Variants in STK10 observed in about 807,000 individuals in gnomAD.
The protein encoded by STK10 is serine/threonine-protein kinase 10.
STK10 carries 78 observed loss-of-function variants against 113.8 expected under a neutral mutation model. That is an observed-to-expected ratio of 0.69 (90% CI 0.57 to 0.83). STK10 has a LOEUF of 0.83. STK10 is among the 40% of genes least tolerant of loss of function. The pLI is 0.00. For synonymous variants in STK10, 465 were observed against 494.7 expected (o/e 0.94, Z 0.80); for missense variants, 1,109 against 1,280.1 (o/e 0.87, Z 2.04).
rs1769481882 is a variant in STK10 at position 172,120,226 on chromosome 5, A to G, written c.371-2596T>C. 6.6e-6 allele frequency among the ~76,000 whole-genome samples: 1 copy of G among 152,174 alleles called. No individual in the cohort carries two copies. Among genetic ancestry groups the G allele is most frequent in the African/African-American group, 2.4e-5 (1 of 41,438 alleles). ...CTTCTAAGCCTGGTCACCAAAGGGC[A>G]CTGCTCCGAGTCTTCCCTCTGCCTA... is the stretch of plus-strand genomic sequence containing the variant. On this transcript the variant is annotated intron_variant, in intron 3 of 18. Coordinates refer to ENST00000176763, the MANE Select transcript of STK10 (RefSeq NM_005990.4). The surrounding 1 kb of genome is among the most constrained non-coding windows in gnomAD (Gnocchi z 4.0).
intron 2 of STK10, among the ~76,000 whole-genome samples, chr5:172,155,422 C>T (rs1340654411): frequency 6.6e-6 from 1 of 150,884 alleles, no homozygotes; most frequent in African/African-American, 2.4e-5. Context: ...TGCTTGAACC[C>T]AGGAGGCGGA....
intron 1 of STK10, among the ~76,000 whole-genome samples, chr5:172,170,295 G>T (rs138462224): frequency 6.6e-6 from 1 of 152,150 alleles, no homozygotes; most frequent in Non-Finnish European, 1.5e-5. Flanking sequence ...CTGAATCTCT[G>T]GCTGTTCTCC....
intron 2 of STK10, among the ~76,000 whole-genome samples, chr5:172,129,428 T>C (rs1769700860): frequency 6.6e-6 from 1 of 152,176 alleles, no homozygotes; most frequent in Non-Finnish European, 1.5e-5. Flanking sequence ...GGGCCTGACC[T>C]CAGCTTCCCC....
At chr5:172,180,719 G>GA (rs1651259639) in intron 1 of STK10, among the ~76,000 whole-genome samples, 1 of 152,054 alleles carries the variant, frequency 6.6e-6, no homozygotes, top group South Asian at 2.1e-4. Flanking sequence ...TGAGGCAGGA[G>GA]AATCACTTGA....
At chr5:172,186,323 C>T (rs1018244999) in intron 1 of STK10, among the ~76,000 whole-genome samples, 1 of 150,956 alleles carries the variant, frequency 6.6e-6, no homozygotes, top group African/African-American at 2.4e-5. Flanking sequence ...TGGTTGGTCT[C>T]AAAATTGCCA....
In STK10 at chr5:172,187,341, C is replaced by T. The variant is rs1409201534; in HGVS notation, c.156+546G>A. Among the ~76,000 whole-genome samples the T allele has an allele frequency of 1.3e-5, 2 of 152,114 alleles. No individual in the cohort carries two copies. Among genetic ancestry groups the T allele is most frequent in the East Asian group, 1.9e-4 (1 of 5,176 alleles). On this transcript the variant is annotated intron_variant, in intron 1 of 18. Coordinates refer to ENST00000176763, the MANE Select transcript of STK10 (RefSeq NM_005990.4). The surrounding 1 kb of genome is among the most constrained non-coding windows in gnomAD (Gnocchi z 4.6). ...CCAGCCCCAACCCACCTTTCCAAGC[C>T]CCACCTCTCAGTCCATGGGCCACCC...
intron 1 of STK10, among the ~76,000 whole-genome samples, chr5:172,166,958 G>A (rs115617748): frequency 0.053 from 8,067 of 152,000 alleles, 711 homozygotes; most frequent in African/African-American, 0.18. Context: ...TCAGAAGTTC[G>A]AGGCCAGGCT....
At position 172,082,941 on chromosome 5, in the gene STK10, C is replaced by T; in HGVS notation, c.1809+20G>A. On this transcript the variant is annotated intron_variant, in intron 11 of 18. Transcript: ENST00000176763. The surrounding 1 kb of genome is among the most constrained non-coding windows in gnomAD (Gnocchi z 4.3). Reference sequence around the variant, plus strand: ...TGGAGGCAAGAAGCCCTGCAGGGTCCCATCTTTTCTCGCACTCACGTTGAT... The same window carrying T: ...TGGAGGCAAGAAGCCCTGCAGGGTCTCATCTTTTCTCGCACTCACGTTGAT... The T allele has an allele frequency of 6.2e-7, 1 of 1,611,146 alleles. No individual in the cohort carries two copies. Among genetic ancestry groups the T allele is most frequent in the Admixed American group, 1.7e-5 (1 of 59,744 alleles).
intron 10 of STK10, among the ~76,000 whole-genome samples, chr5:172,083,460 G>A (rs1325167701): frequency 6.6e-6 from 1 of 152,136 alleles, no homozygotes; most frequent in Non-Finnish European, 1.5e-5. Flanking sequence ...ATTTGATGTA[G>A]AAACTACATT....
chr5:172,065,344 C>T (rs1768046143), intron 12 of STK10, among the ~76,000 whole-genome samples: 1 of 145,138 alleles, frequency 6.9e-6, no homozygotes, highest in Non-Finnish European at 1.5e-5. Flanking sequence ...CCTGCCTAAG[C>T]CTTCCAAGTA....
chr5:172,112,532 T>C (rs1769261414), intron 4 of STK10, among the ~76,000 whole-genome samples: 1 of 149,158 alleles, frequency 6.7e-6, no homozygotes, highest in East Asian at 2.0e-4. Flanking sequence ...GCCATTCTCC[T>C]GCCTCAGCCT....
intron 1 of STK10, among the ~76,000 whole-genome samples, chr5:172,176,152 A>C (rs1770754486): frequency 6.6e-6 from 1 of 152,120 alleles, no homozygotes; most frequent in Admixed American, 6.5e-5. Flanking sequence ...CATTACCATC[A>C]CCATTTCACA....
Position 172,093,301 on chromosome 5 carries a change from G to T in STK10, c.1554+111C>A. ...TGAGTCAAACCCAAAACCCCCTAAT[G>T]AACCACTTAAAATGCAAGGAAGCCC... is the stretch of plus-strand genomic sequence containing the variant. On this transcript the variant is annotated intron_variant, in intron 9 of 18. Transcript: ENST00000176763. The surrounding 1 kb of genome is among the most constrained non-coding windows in gnomAD (Gnocchi z 4.1). 8.3e-7 allele frequency: 1 copy of T among 1,201,408 alleles called. No individual in the cohort carries two copies. The highest frequency in any genetic ancestry group is 1.2e-6 in the Non-Finnish European group (1 of 857,652). 74.4% of individuals were successfully genotyped at this position (1,201,408 alleles called of 1,614,324 possible).
chr5:172,176,766 G>A (rs28419545), intron 1 of STK10, among the ~76,000 whole-genome samples: 11,211 of 152,268 alleles, frequency 0.074, 1,339 homozygotes, highest in African/African-American at 0.25. Flanking sequence ...TGGTCCGAGT[G>A]TCTGTGTCCC....
chr5:172,106,912 G>T, intron 5 of STK10, 98 bp from the exon 6 acceptor site: 1 of 1,251,724 alleles, frequency 8.0e-7, no homozygotes, highest in Non-Finnish European at 1.1e-6. Context: ...CACTGTCGGG[G>T]TTGGCAGCAC....
chr5:172,048,414 TACACACACACACACACACACAC>T (rs370301917), intron 18 of STK10, among the ~76,000 whole-genome samples: 1 of 128,392 alleles, frequency 7.8e-6, no homozygotes, highest in Non-Finnish European at 1.6e-5. Context: ...TCCCTCTCCC[TACACACACACACACACACACAC>T]ACACACACAC....
At chr5:172,128,300 C>T (rs946968300) in intron 2 of STK10, among the ~76,000 whole-genome samples, 3 of 150,206 alleles carry the variant, frequency 2.0e-5, no homozygotes, top group Non-Finnish European at 3.0e-5. Flanking sequence ...TGGCCCACTC[C>T]GGGCTCTTTG....
At chr5:172,064,699 C>A (rs372930215) in intron 13 of STK10, 21 bp downstream of exon 13, 6 of 1,612,502 alleles carry the variant, frequency 3.7e-6, no homozygotes, top group Admixed American at 1.7e-5. Context: ...CTGCGCTCCC[C>A]AGCTGAGGCC....
intron 7 of STK10, among the ~76,000 whole-genome samples, chr5:172,098,078 ACT>A (rs1252535844): frequency 1.3e-5 from 2 of 152,168 alleles, no homozygotes; most frequent in African/African-American, 4.8e-5. Context: ...GATGAAATTC[ACT>A]GTTTTTACTC....
Sources: gnomAD v4.1 joint callset for allele counts (sites outside exome capture counted in the v4.1 genomes callset) on GRCh38, gnomAD v4.1.1 for gene constraint, Gnocchi (gnomAD v3.1) non-coding constraint, MANE v1.5 for transcripts, NCBI Gene and HGNC (gene_info 2026-07-23, HGNC 2026-07-21) for gene names.